Variants in PCDH15 observed in about 807,000 individuals in gnomAD.
PCDH15 encodes protocadherin-15.
A neutral mutation model predicts 178.5 loss-of-function variants in PCDH15; 129 were observed. The ratio of observed to expected loss-of-function variants is 0.72; its 90% confidence interval spans 0.63 to 0.84. The LOEUF (loss-of-function observed/expected upper bound fraction) is 0.84, where lower values mean the gene tolerates loss of function less well. Ranked by LOEUF, PCDH15 falls within the 40% of genes least tolerant of loss-of-function variation. The probability of loss-of-function intolerance (pLI) is 0.00; values close to 1 mark genes in which losing one functional copy is unlikely to be tolerated. For synonymous variants in PCDH15, 800 were observed against 732.0 expected, an observed-to-expected ratio of 1.09 and a Z score of -1.50; for missense variants, 2,230 against 2,099.9, an observed-to-expected ratio of 1.06 and a Z score of -1.21.
At chr10:54,249,542 C>A (rs557335616) in intron 8 of PCDH15, among the ~76,000 whole-genome samples, 17 of 152,246 alleles carry the variant, frequency 1.1e-4, no homozygotes, top group Middle Eastern at 3.4e-3. Flanking sequence ...AATTTTATTT[C>A]CATGGCATAT....
intron 1 of PCDH15, among the ~76,000 whole-genome samples, chr10:55,232,329 G>A (rs1841250234): frequency 6.6e-6 from 1 of 151,918 alleles, no homozygotes; most frequent in African/African-American, 2.4e-5. Flanking sequence ...CATTTAAAAA[G>A]TGAAAATTTG....
intron 1 of PCDH15, among the ~76,000 whole-genome samples, chr10:54,739,025 C>T (rs55910110): frequency 1.9e-3 from 293 of 152,030 alleles, no homozygotes; most frequent in Non-Finnish European, 1.8e-3. Flanking sequence ...CTAACTTTCA[C>T]CACTCTTATT....
intron 3 of PCDH15, among the ~76,000 whole-genome samples, chr10:54,483,769 A>G (rs1227232731): frequency 2.0e-5 from 3 of 151,846 alleles, no homozygotes; most frequent in South Asian, 2.1e-4. Flanking sequence ...AGAGAAGAGT[A>G]TATTCATTAT....
chr10:55,217,429 A>T (rs911966129), intron 1 of PCDH15, among the ~76,000 whole-genome samples: 1 of 151,840 alleles, frequency 6.6e-6, no homozygotes, highest in African/African-American at 2.4e-5. Flanking sequence ...AAACCTTCGT[A>T]TTTTTATGTT....
chr10:54,926,894 T>C (rs1252145264), intron 2 of PCDH15, among the ~76,000 whole-genome samples: 1 of 152,044 alleles, frequency 6.6e-6, no homozygotes, highest in Non-Finnish European at 1.5e-5. Flanking sequence ...TACAAGAAAA[T>C]AACAACTCCT....
At chr10:53,888,339 T>TATATATTTACGTAC (rs1564691439) in intron 26 of PCDH15, among the ~76,000 whole-genome samples, 1 of 109,562 alleles carries the variant, frequency 9.1e-6, no homozygotes, top group Non-Finnish European at 1.8e-5. Flanking sequence ...TATGTACGTA[T>TATATATTTACGTAC]ATATATATAC....
intron 9 of PCDH15, among the ~76,000 whole-genome samples, chr10:54,232,591 A>AT (rs1447712079): frequency 1.3e-5 from 2 of 151,928 alleles, no homozygotes; most frequent in African/African-American, 4.8e-5. Flanking sequence ...CCAATTTTTT[A>AT]TTTTTTCTGA....
At chr10:54,343,187 A>G (rs1942579096) in intron 6 of PCDH15, among the ~76,000 whole-genome samples, 1 of 152,180 alleles carries the variant, frequency 6.6e-6, no homozygotes, top group Non-Finnish European at 1.5e-5. Flanking sequence ...GTCCCGACTA[A>G]AATCTCATGT....
intron 8 of PCDH15, among the ~76,000 whole-genome samples, chr10:54,257,378 T>C (rs10825286): frequency 0.68 from 101,386 of 148,478 alleles, 35,629 homozygotes; most frequent in Middle Eastern, 0.75. Flanking sequence ...TCATAGGAGC[T>C]GTGTGAAATA....
At chr10:54,729,342 A>G (rs1056106450) in intron 1 of PCDH15, among the ~76,000 whole-genome samples, 1 of 151,590 alleles carries the variant, frequency 6.6e-6, no homozygotes, top group African/African-American at 2.4e-5. Context: ...TCAATAAATG[A>G]AGCTGCAGCA....
At chr10:54,220,538 A>G (rs1367587942) in intron 9 of PCDH15, among the ~76,000 whole-genome samples, 1 of 152,208 alleles carries the variant, frequency 6.6e-6, no homozygotes, top group Admixed American at 6.5e-5. Flanking sequence ...TATCAACTCA[A>G]CAAGAGTATA....
intron 2 of PCDH15, among the ~76,000 whole-genome samples, chr10:55,336,966 T>C (rs1411567840): frequency 2.0e-5 from 3 of 152,128 alleles, no homozygotes; most frequent in Admixed American, 2.0e-4. Context: ...CATTGGCCTC[T>C]ACCCACTAGA....
intron 23 of PCDH15, among the ~76,000 whole-genome samples, chr10:53,945,130 A>C (rs1007224425): frequency 1.2e-4 from 19 of 152,208 alleles, no homozygotes; most frequent in Non-Finnish European, 4.4e-5. Flanking sequence ...CATGTAAAAC[A>C]GCTGTGTATT....
At chr10:54,712,809 A>G (rs1233327572) in intron 1 of PCDH15, among the ~76,000 whole-genome samples, 1 of 152,050 alleles carries the variant, frequency 6.6e-6, no homozygotes, top group Non-Finnish European at 1.5e-5. Context: ...TCATCTTATG[A>G]GTTATAGCAA....
At chr10:55,281,470 T>C (rs1842732020) in intron 1 of PCDH15, among the ~76,000 whole-genome samples, 1 of 152,042 alleles carries the variant, frequency 6.6e-6, no homozygotes, top group Admixed American at 6.6e-5. Flanking sequence ...ATCTCCGACA[T>C]GAGAATCTCT....
intron 2 of PCDH15, among the ~76,000 whole-genome samples, chr10:55,067,786 A>C (rs1841604836): frequency 6.6e-6 from 1 of 152,000 alleles, no homozygotes. Flanking sequence ...AGTCATTGCA[A>C]CTGGGGTAAG....
chr10:54,980,807 T>C (rs2131904066), intron 2 of PCDH15, among the ~76,000 whole-genome samples: 1 of 152,208 alleles, frequency 6.6e-6, no homozygotes, highest in East Asian at 1.9e-4. Flanking sequence ...GATTTATTGA[T>C]ATTAAAATTG....
chr10:54,291,655 C>A (rs896662201), intron 8 of PCDH15, among the ~76,000 whole-genome samples: 4 of 152,140 alleles, frequency 2.6e-5, no homozygotes, highest in Non-Finnish European at 5.9e-5. Flanking sequence ...ACAGATCCCA[C>A]AGAAACACAA....
chr10:54,381,119 A>G (rs1396631109), intron 3 of PCDH15, among the ~76,000 whole-genome samples: 2 of 151,984 alleles, frequency 1.3e-5, no homozygotes, highest in Non-Finnish European at 2.9e-5. Flanking sequence ...GCCAAAATTT[A>G]GGGGAGAGAG....
Sources: gnomAD v4.1 joint callset for allele counts (sites outside exome capture counted in the v4.1 genomes callset) on GRCh38, gnomAD v4.1.1 for gene constraint, MANE v1.5 for transcripts, NCBI Gene and HGNC (gene_info 2026-07-23, HGNC 2026-07-21) for gene names.